The following NPHP4 variants were observed in gnomAD, a reference collection of about 807,000 sequenced individuals.
NPHP4 encodes nephrocystin-4.
In NPHP4, 151 loss-of-function variants were observed where a neutral mutation model predicts 155.8. The ratio of observed to expected loss-of-function variants is 0.97; its 90% confidence interval spans 0.85 to 1.11. NPHP4 has a LOEUF of 1.11. Ranked by LOEUF, NPHP4 falls within the 50% of genes least tolerant of loss-of-function variation. The probability of loss-of-function intolerance (pLI) is 0.00; values close to 1 mark genes in which losing one functional copy is unlikely to be tolerated. For synonymous variants in NPHP4, 845 were observed against 816.8 expected, an observed-to-expected ratio of 1.03 and a Z score of -0.59; for missense variants, 1,956 against 1,925.7, an observed-to-expected ratio of 1.02 and a Z score of -0.29.
rs1335175524 is a variant in NPHP4, at chr1:5,865,124, G to A, written c.3794C>T (p.Thr1265Ile). 1.2e-6 allele frequency: 2 copies of A among 1,613,598 alleles called. No homozygotes were observed. Among genetic ancestry groups the A allele is most frequent in the Non-Finnish European group, 8.5e-7 (1 of 1,179,824 alleles). Residue 1265 changes from threonine to isoleucine, a missense_variant, in exon 27 of 30, where the codon ACC becomes ATC. By Grantham distance (89) the Thr-to-Ile change is moderately conservative (BLOSUM62 -1). Coordinates refer to ENST00000378156, the MANE Select transcript of NPHP4 (RefSeq NM_015102.5). ...TACCTTCAGCTCCTGGGGATGAGAG[G>A]TGAAAGCTCTCACTTTCCTCACTGT... ...TQTVRKVRAF[T>I]SHPQELKTDP... is the part of the protein sequence containing the mutation.
chr1:5,978,492 A>G, intron 2 of NPHP4, 79 bp from the exon 3 acceptor site: 16 of 1,365,558 alleles, frequency 1.2e-5, no homozygotes, highest in Non-Finnish European at 1.6e-5. Flanking sequence ...ATGTGGGTGC[A>G]TATGGGGCCA....
intron 11 of NPHP4, among the ~76,000 whole-genome samples, chr1:5,912,280 T>C (rs1033530356): frequency 9.2e-5 from 14 of 152,304 alleles, no homozygotes; most frequent in Admixed American, 9.1e-4. Flanking sequence ...GGCTCACGCC[T>C]GTAATCCCAG....
intron 11 of NPHP4, among the ~76,000 whole-genome samples, chr1:5,911,345 G>A (rs966776489): frequency 1.3e-5 from 2 of 152,158 alleles, no homozygotes; most frequent in Non-Finnish European, 2.9e-5. Flanking sequence ...TCCGTAAATG[G>A]GAACTCGGAA....
intron 1 of NPHP4, 39 bp from the exon 2 acceptor site, chr1:5,986,366 G>A: frequency 6.6e-7 from 1 of 1,516,564 alleles, no homozygotes; most frequent in South Asian, 1.2e-5. Context: ...AGAGCTGTGA[G>A]GGCTACAGTG....
chr1:5,977,686 G>C (rs1375015215), intron 3 of NPHP4, among the ~76,000 whole-genome samples: 1 of 149,968 alleles, frequency 6.7e-6, no homozygotes, highest in African/African-American at 2.5e-5. Flanking sequence ...CCGCAGGGTG[G>C]CCAGCCGCAA....
At chr1:5,948,978 C>T (rs1313987472) in intron 7 of NPHP4, among the ~76,000 whole-genome samples, 1 of 152,174 alleles carries the variant, frequency 6.6e-6, no homozygotes, top group African/African-American at 2.4e-5. Flanking sequence ...GTTTTCTTTA[C>T]TGTCCATTAA....
chr1:5,990,028 C>CTGCA (rs1313611146), intron 1 of NPHP4, among the ~76,000 whole-genome samples: 1 of 152,232 alleles, frequency 6.6e-6, no homozygotes, highest in African/African-American at 2.4e-5. Context: ...ACCTGAGACT[C>CTGCA]TGCAGGTGGG....
chr1:5,949,300 AAG>A (rs1200830308), intron 7 of NPHP4, among the ~76,000 whole-genome samples: 1 of 149,054 alleles, frequency 6.7e-6, no homozygotes, highest in Admixed American at 6.8e-5. Context: ...CTGCATTTTC[AAG>A]AACGGGTAGG....
At chr1:5,946,992 T>A (rs1647135008) in intron 9 of NPHP4, 112 bp downstream of exon 9, 3 of 1,115,846 alleles carry the variant, frequency 2.7e-6, no homozygotes, top group Non-Finnish European at 4.0e-6. Flanking sequence ...TACTTATTAT[T>A]TATAATAATC....
Position 5,880,144 on chromosome 1 carries a change from C to T in NPHP4, c.2581G>A (p.Gly861Ser). ...GAGCTTCCAGTCGTGAGGAGGCTGC[C>T]TCCAGAGAAGCGGCTGGCTCCATCG... Reference protein sequence around the residue: ...SNDGASRFSGGSLLTTGSSRR... With the variant: ...SNDGASRFSGSSLLTTGSSRR... The change falls in exon 19 of 30, where the codon GGC (glycine) becomes AGC (serine). Residue 861 changes from glycine to serine, a missense_variant. Transcript: ENST00000378156. The T allele has an allele frequency of 6.2e-7, 1 of 1,613,766 alleles. No individual in the cohort carries two copies. The highest frequency in any genetic ancestry group is 8.5e-7 in the Non-Finnish European group (1 of 1,179,762).
At chr1:5,893,202 G>A (rs1028464690) in intron 16 of NPHP4, among the ~76,000 whole-genome samples, 3 of 152,170 alleles carry the variant, frequency 2.0e-5, no homozygotes, top group Admixed American at 6.5e-5. Flanking sequence ...GTCTCTCCCC[G>A]TGTGCGGCAA....
At chr1:5,906,787 G>A (rs1370199648) in intron 13 of NPHP4, among the ~76,000 whole-genome samples, 1 of 152,240 alleles carries the variant, frequency 6.6e-6, no homozygotes, top group African/African-American at 2.4e-5. Flanking sequence ...GTCTCAGCCT[G>A]TCTATAGATA....
chr1:5,952,956 G>T, intron 6 of NPHP4, 120 bp from the exon 7 acceptor site: 1 of 831,596 alleles, frequency 1.2e-6, no homozygotes, highest in Non-Finnish European at 1.8e-6. Context: ...GGGTGCTCGG[G>T]ACTCCCAGAC....
At chr1:5,987,103 C>T (rs1403105697) in intron 1 of NPHP4, among the ~76,000 whole-genome samples, 1 of 152,054 alleles carries the variant, frequency 6.6e-6, no homozygotes, top group Non-Finnish European at 1.5e-5. Context: ...CCCCACGACA[C>T]TTCAGCTACA....
chr1:5,894,115 G>C (rs1304737261), intron 16 of NPHP4, among the ~76,000 whole-genome samples: 1 of 152,100 alleles, frequency 6.6e-6, no homozygotes, highest in Non-Finnish European at 1.5e-5. Context: ...TATTATACTG[G>C]AACAGCTCAT....
chr1:5,969,759 G>A (rs1052452636), intron 3 of NPHP4, among the ~76,000 whole-genome samples: 7 of 152,132 alleles, frequency 4.6e-5, no homozygotes, highest in African/African-American at 1.4e-4. Flanking sequence ...AGACAACTTC[G>A]ATCACACCTT....
At chr1:5,875,507 C>T (rs932472464) in intron 20 of NPHP4, among the ~76,000 whole-genome samples, 3 of 152,234 alleles carry the variant, frequency 2.0e-5, no homozygotes, top group African/African-American at 7.2e-5. Context: ...TGCCTGGGCC[C>T]AGCGTCCACA....
intron 23 of NPHP4, among the ~76,000 whole-genome samples, chr1:5,869,400 C>A (rs1261938316): frequency 6.6e-6 from 1 of 152,194 alleles, no homozygotes; most frequent in African/African-American, 2.4e-5. Flanking sequence ...CACCTGCACA[C>A]ACTGAGAAGG....
At chr1:5,963,957 G>A (rs1012092968) in intron 5 of NPHP4, among the ~76,000 whole-genome samples, 3 of 152,096 alleles carry the variant, frequency 2.0e-5, no homozygotes, top group African/African-American at 7.2e-5. Context: ...CAAAGTGCTG[G>A]GATTACAGGC....
Sources: allele counts gnomAD v4.1 joint callset (sites outside exome capture counted in the v4.1 genomes callset), GRCh38; gene constraint gnomAD v4.1.1; transcripts MANE v1.5; gene names NCBI Gene and HGNC (gene_info 2026-07-23, HGNC 2026-07-21).